Variants in ZNF563 observed in about 807,000 individuals in gnomAD.
ZNF563 encodes zinc finger protein 563.
Under a neutral mutation model 48.5 loss-of-function variants are expected in ZNF563, and 39 were observed. The observed-to-expected ratio is 0.80, with a 90% CI of 0.62 to 1.05. The LOEUF is 1.05. Ranked by LOEUF, ZNF563 falls within the 50% of genes least tolerant of loss-of-function variation. The probability of loss-of-function intolerance (pLI) is 0.00; values close to 1 mark genes in which losing one functional copy is unlikely to be tolerated. For missense variants in ZNF563, 538 were observed against 597.0 expected, an observed-to-expected ratio of 0.90 and a Z score of 1.03; for synonymous variants, 168 against 187.9, an observed-to-expected ratio of 0.89 and a Z score of 0.87.
At chr19:12,327,161 G>A (rs989413842) in intron 1 of ZNF563, among the ~76,000 whole-genome samples, 9 of 152,056 alleles carry the variant, frequency 5.9e-5, no homozygotes, top group Admixed American at 2.0e-4. Flanking sequence ...AATCAAAGAC[G>A]GAAATAGAGA....
chr19:12,322,784 C>T (rs1968668459), intron 1 of ZNF563, 73 bp from the exon 2 acceptor site: 1 of 1,422,834 alleles, frequency 7.0e-7, no homozygotes. Flanking sequence ...AGTTCATAAA[C>T]TTCATATGAT....
Position 12,319,197 on chromosome 19 carries a change from A to G in ZNF563, c.828T>C (p.Thr276=), listed in dbSNP as rs746990956. 1 of 1,614,180 alleles carries G rather than the reference A, an allele frequency of 6.2e-7. No homozygotes were observed. The highest frequency in any genetic ancestry group is 2.2e-5 in the East Asian group (1 of 44,882). ...GTTTACATGTATATGGTTTCTCTCCAGTGTGAGTTCTTTCATGTCTTATAT... is the reference window on the plus strand; with the variant it reads ...GTTTACATGTATATGGTTTCTCTCCGGTGTGAGTTCTTTCATGTCTTATAT... The part of the protein sequence containing the change: ...SSYIRHERTH[T]GEKPYTCKQC... Residue 276 remains threonine (T), a synonymous_variant, in exon 4 of 4, where the codon ACT becomes ACC. Transcript: ENST00000293725.
At chr19:12,344,066 G>A in the ZNF563 span, among the ~76,000 whole-genome samples, 1 of 151,338 alleles carries the variant, frequency 6.6e-6, no homozygotes, top group Non-Finnish European at 1.5e-5. Context: ...ACTGGCAAAT[G>A]TACTTCAGCA....
At chr19:12,327,376 C>T (rs1237630029) in intron 1 of ZNF563, among the ~76,000 whole-genome samples, 4 of 150,320 alleles carry the variant, frequency 2.7e-5, no homozygotes, top group Non-Finnish European at 5.9e-5. Context: ...AGGAGAATCG[C>T]TTGAACCCAG....
chr19:12,333,955 C>G (rs1968984965), upstream of ZNF563, among the ~76,000 whole-genome samples: 1 of 152,240 alleles, frequency 6.6e-6, no homozygotes, highest in Admixed American at 6.5e-5. Flanking sequence ...ACTGCCTTTT[C>G]CTCCTGGAGA....
chr19:12,342,777 A>G, the ZNF563 span, among the ~76,000 whole-genome samples: 1 of 148,580 alleles, frequency 6.7e-6, no homozygotes, highest in African/African-American at 2.6e-5. Context: ...TGTCTCAAAA[A>G]TTAAAAAAAA....
In ZNF563 at chr19:12,322,708, C is replaced by T. The variant is rs142117291; in HGVS notation, c.7G>A (p.Ala3Thr). The change falls in exon 2 of 4, where the codon GCA (alanine) becomes ACA (threonine). Residue 3 changes from alanine to threonine, a missense_variant. Transcript: ENST00000293725. ...ACAGCCACATCCTCAAAGGCCACTG[C>T]GTCCTGAAACATCCCACATAGATAG... MD[A>T]VAFEDVAVNF... 4.9e-5 allele frequency: 79 copies of T among 1,599,280 alleles called. No homozygotes were observed. The Middle Eastern group carries it at 6.7e-4, about 13-fold the overall frequency.
chr19:12,319,517 C>CAA lies in ZNF563; in HGVS notation c.507_508insTT (p.Glu170LeufsTer21). ...AAGGTTTTTCCACATTCCTTACACT[C>CAA]ATAGCGTTTCTTTCCAGTGTGAGGC... On this transcript the variant is annotated frameshift_variant, in exon 4 of 4. Coordinates refer to ENST00000293725, the MANE Select transcript of ZNF563 (RefSeq NM_145276.3). LOFTEE classifies it high-confidence loss of function. 1 of 1,614,192 alleles carries CAA rather than the reference C, an allele frequency of 6.2e-7. No individual in the cohort carries two copies. Among genetic ancestry groups the CAA allele is most frequent in the Non-Finnish European group, 8.5e-7 (1 of 1,180,022 alleles).
At chr19:12,343,816 T>C in the ZNF563 span, among the ~76,000 whole-genome samples, 9 of 149,258 alleles carry the variant, frequency 6.0e-5, no homozygotes, top group Admixed American at 3.4e-4. Context: ...CCGTAAGCTC[T>C]GCCTCCCGGG....
intron 1 of ZNF563, among the ~76,000 whole-genome samples, chr19:12,331,292 G>A (rs1441976048): frequency 1.3e-5 from 2 of 152,162 alleles, no homozygotes; most frequent in African/African-American, 4.8e-5. Context: ...CAAGGGTCAG[G>A]TCAGGTCCTC....
chr19:12,320,887 C>T (rs1451759770), intron 3 of ZNF563, among the ~76,000 whole-genome samples: 1 of 152,000 alleles, frequency 6.6e-6, no homozygotes, highest in Non-Finnish European at 1.5e-5. Context: ...CACCTGTAAT[C>T]CCAGCATTTG....
upstream of ZNF563, among the ~76,000 whole-genome samples, chr19:12,335,307 T>C (rs780934558): frequency 8.5e-5 from 13 of 152,206 alleles, no homozygotes; most frequent in Non-Finnish European, 1.6e-4. Flanking sequence ...AAGTGGGTCG[T>C]AGAATCCAGA....
chr19:12,329,602 T>G (rs1239528174), intron 1 of ZNF563, among the ~76,000 whole-genome samples: 8 of 152,232 alleles, frequency 5.3e-5, no homozygotes, highest in African/African-American at 1.7e-4. Flanking sequence ...ACTAACCCTA[T>G]GGACATTAAG....
At chr19:12,334,488 A>C (rs1342893863), upstream of ZNF563, among the ~76,000 whole-genome samples, 5 of 152,300 alleles carry the variant, frequency 3.3e-5, no homozygotes, top group Non-Finnish European at 2.9e-5. Flanking sequence ...CTGGGAGCTC[A>C]ACATACTTCC....
chr19:12,324,178 C>T (rs1318971733), intron 1 of ZNF563, among the ~76,000 whole-genome samples: 5 of 151,616 alleles, frequency 3.3e-5, no homozygotes, highest in Admixed American at 1.3e-4. Context: ...GGCAACATGG[C>T]GAAACCCTGT....
upstream of ZNF563, among the ~76,000 whole-genome samples, chr19:12,335,738 A>G (rs76470192): frequency 0.037 from 5,709 of 152,278 alleles, 355 homozygotes; most frequent in African/African-American, 0.13. Context: ...ATCTAGACAC[A>G]CAGGCCTTGT....
upstream of ZNF563, among the ~76,000 whole-genome samples, chr19:12,334,591 C>T (rs1176132301): frequency 1.3e-5 from 2 of 152,064 alleles, no homozygotes; most frequent in African/African-American, 4.8e-5. Context: ...TTTAAGGGCC[C>T]GGGGCGGTGG....
chr19:12,319,815 T>A lies in ZNF563; in HGVS notation c.210A>T (p.Arg70Ser). Residue 70 changes from arginine to serine, a missense_variant, in exon 4 of 4, where the codon AGA becomes AGT. Arg to Ser is a moderately radical substitution (Grantham distance 110, BLOSUM62 -1). Transcript: ENST00000293725. ...GACTACTGTCTTTACTTTCACTGAA[T>A]CTCTCTACCATATGACATCTGTAAA... The part of the protein sequence containing the change: ...RRNLRCHMVE[R>S]FSESKDSSQC... 8 of 1,612,916 alleles carry A rather than the reference T, an allele frequency of 5.0e-6. No homozygotes were observed. Among genetic ancestry groups the A allele is most frequent in the Non-Finnish European group, 6.8e-6 (8 of 1,179,074 alleles).
chr19:12,319,718 A>C lies in ZNF563; in HGVS notation c.307T>G (p.Cys103Gly). 1 of 1,614,140 alleles carries C rather than the reference A, an allele frequency of 6.2e-7. No homozygotes were observed. ...NNSICPGEDP[C>G]QSAECEEVIM... ...ACTTCTTCACACTCAGCGCTTTGAC[A>C]TGGATCTTCTCCAGGACAAATGCTG... The change falls in exon 4 of 4, where the codon TGT becomes GGT. Residue 103 changes from cysteine to glycine, a missense_variant. Transcript: ENST00000293725.
Sources: gnomAD v4.1 joint callset for allele counts (sites outside exome capture counted in the v4.1 genomes callset) on GRCh38, gnomAD v4.1.1 for gene constraint, MANE v1.5 for transcripts, NCBI Gene and HGNC (gene_info 2026-07-23, HGNC 2026-07-21) for gene names.